UBE3A: variants seen among roughly 807,000 people sequenced by gnomAD.
UBE3A encodes the protein ubiquitin-protein ligase E3A.
UBE3A carries 6 observed loss-of-function variants against 83.4 expected under a neutral mutation model. That is an observed-to-expected ratio of 0.07 (90% CI 0.04 to 0.14). The LOEUF is 0.14. UBE3A is among the 10% of genes least tolerant of loss of function. UBE3A has a pLI of 1.00. For synonymous variants in UBE3A, 337 were observed against 355.4 expected (o/e 0.95, Z 0.58); for missense variants, 456 against 1,036.1 (o/e 0.44, Z 7.69).
chr15:25,424,767 A>C (rs1890836337), intron 1 of UBE3A, among the ~76,000 whole-genome samples: 3 of 152,238 alleles, frequency 2.0e-5, no homozygotes, highest in African/African-American at 7.2e-5. Flanking sequence ...TTCAATTTGC[A>C]ATACCATCAA....
chr15:25,405,041 T>G (rs1032093204), intron 4 of UBE3A, among the ~76,000 whole-genome samples: 1 of 152,224 alleles, frequency 6.6e-6, no homozygotes, highest in African/African-American at 2.4e-5. Flanking sequence ...CTGAAATTAT[T>G]TGCTTCTGCA....
chr15:25,394,285 T>C (rs2085047815), intron 4 of UBE3A, among the ~76,000 whole-genome samples: 1 of 152,198 alleles, frequency 6.6e-6, no homozygotes, highest in African/African-American at 2.4e-5. Context: ...TCTGATACTG[T>C]CTCGATAACA....
chr15:25,358,372 C>T (rs2077537991), intron 7 of UBE3A, among the ~76,000 whole-genome samples: 1 of 151,856 alleles, frequency 6.6e-6, no homozygotes, highest in Non-Finnish European at 1.5e-5. Flanking sequence ...GAGCCAGATC[C>T]TGCCTCCCTC....
At chr15:25,408,426 C>T in intron 3 of UBE3A, 1 of 747,094 alleles carries the variant, frequency 1.3e-6, no homozygotes, top group Non-Finnish European at 2.2e-6. Context: ...TTAGGTTATC[C>T]TAAAGTGTGT....
chr15:25,360,351 C>A (rs373746667), intron 7 of UBE3A, 32 bp downstream of exon 7: 2 of 1,612,388 alleles, frequency 1.2e-6, no homozygotes, highest in Non-Finnish European at 1.7e-6. Context: ...AAAGATGATA[C>A]GACACCATAA....
At chr15:25,365,934 A>G (rs2079030622) in intron 6 of UBE3A, among the ~76,000 whole-genome samples, 1 of 152,174 alleles carries the variant, frequency 6.6e-6, no homozygotes, top group African/African-American at 2.4e-5. Context: ...GTAACACCAA[A>G]TCACATAATC....
At chr15:25,382,057 G>A (rs1158824952) in intron 4 of UBE3A, among the ~76,000 whole-genome samples, 7 of 152,284 alleles carry the variant, frequency 4.6e-5, no homozygotes, top group African/African-American at 1.7e-4. Context: ...CTCACGCCAC[G>A]CCTCTAATCC....
intron 11 of UBE3A, among the ~76,000 whole-genome samples, chr15:25,348,023 G>A (rs1595484922): frequency 6.6e-6 from 1 of 152,016 alleles, no homozygotes; most frequent in South Asian, 2.1e-4. Context: ...GTAAAAGACA[G>A]ATCATGCAAA....
At chr15:25,421,479 G>A (rs1042970390) in intron 1 of UBE3A, among the ~76,000 whole-genome samples, 8 of 152,232 alleles carry the variant, frequency 5.3e-5, no homozygotes, top group Admixed American at 2.6e-4. Flanking sequence ...GACAAAAATC[G>A]TATGATTCCA....
intron 11 of UBE3A, among the ~76,000 whole-genome samples, chr15:25,340,459 T>C (rs1348752274): frequency 3.3e-5 from 5 of 152,102 alleles, no homozygotes; most frequent in Non-Finnish European, 7.4e-5. Context: ...AGTACTACAA[T>C]AGTAAAAAAT....
intron 11 of UBE3A, among the ~76,000 whole-genome samples, chr15:25,348,035 A>G (rs1245114762): frequency 6.6e-6 from 1 of 152,188 alleles, no homozygotes; most frequent in African/African-American, 2.4e-5. Flanking sequence ...TCATGCAAAC[A>G]TTAATTTAAA....
At chr15:25,398,792 TATATATATATATATATATATATAA>T (rs1431609755) in intron 4 of UBE3A, among the ~76,000 whole-genome samples, 1,397 of 68,568 alleles carry the variant, frequency 0.02, 137 homozygotes, top group East Asian at 0.033. Flanking sequence ...TATATATATA[TATATATATATATATATATATATAA>T]AAATACATAT....
At chr15:25,380,081 G>C (rs1181141592) in intron 4 of UBE3A, among the ~76,000 whole-genome samples, 1 of 152,004 alleles carries the variant, frequency 6.6e-6, no homozygotes, top group African/African-American at 2.4e-5. Context: ...CTGTTCTTGT[G>C]GTAGTAAGTC....
rs2075909593 is a variant in UBE3A, at chr15:25,347,740, CTAAA to C, written c.2354+6609_2354+6612del. On this transcript the variant is annotated intron_variant, in intron 11 of 12. Transcript: ENST00000648336. ...AAACAAACAAAACAAAACCCAAACA[CTAAA>C]TAAATCAAGGGTCTTAAAAATCTTA... Among the ~76,000 whole-genome samples the C allele has an allele frequency of 4.0e-5, 6 of 151,216 alleles. No individual in the cohort carries two copies. The South Asian group carries it at 1.3e-3, about 32-fold the overall frequency.
intron 1 of UBE3A, among the ~76,000 whole-genome samples, chr15:25,423,822 T>C (rs1035785011): frequency 2.6e-5 from 4 of 152,302 alleles, no homozygotes; most frequent in African/African-American, 7.2e-5. Context: ...TCAAAAAACT[T>C]TGGCATCATG....
chr15:25,396,975 A>G (rs2085729087), intron 4 of UBE3A, among the ~76,000 whole-genome samples: 1 of 152,240 alleles, frequency 6.6e-6, no homozygotes, highest in African/African-American at 2.4e-5. Flanking sequence ...GGATGTTGCC[A>G]TTAATGGACA....
intron 1 of UBE3A, among the ~76,000 whole-genome samples, chr15:25,413,800 C>A (rs529847866): frequency 6.6e-6 from 1 of 152,140 alleles, no homozygotes; most frequent in African/African-American, 2.4e-5. Flanking sequence ...CTTAATCCTA[C>A]TTAATTTTTG....
chr15:25,362,074 T>C (rs942610308), intron 6 of UBE3A, among the ~76,000 whole-genome samples: 2 of 152,220 alleles, frequency 1.3e-5, no homozygotes, highest in African/African-American at 4.8e-5. Flanking sequence ...CAGAATGCAT[T>C]CCACATAGTA....
In UBE3A at chr15:25,366,331, A is replaced by T. The variant is rs8025215; in HGVS notation, c.1608+4235T>A. On this transcript the variant is annotated intron_variant, in intron 6 of 12. Coordinates refer to ENST00000648336, the MANE Select transcript of UBE3A (RefSeq NM_130839.5). Reference sequence around the variant, plus strand: ...AAGCTCTGTGAGTCAATGAATAAATAAAAGAATTACGTTCATGTTTCACTA... The same window carrying T: ...AAGCTCTGTGAGTCAATGAATAAATTAAAGAATTACGTTCATGTTTCACTA... 2.0e-3 allele frequency among the ~76,000 whole-genome samples: 301 copies of T among 152,336 alleles called. 2 individuals are homozygous for T. Among genetic ancestry groups the T allele is most frequent in the African/African-American group, 6.9e-3 (288 of 41,574 alleles).
Sources: allele counts gnomAD v4.1 joint callset (sites outside exome capture counted in the v4.1 genomes callset), GRCh38; gene constraint gnomAD v4.1.1; transcripts MANE v1.5; gene names NCBI Gene and HGNC (gene_info 2026-07-23, HGNC 2026-07-21).